Variants in PDE6C observed in about 807,000 individuals in gnomAD.
PDE6C encodes the protein phosphodiesterase 6C, also known as cone cGMP-specific 3',5'-cyclic phosphodiesterase subunit alpha'.
In PDE6C, 75 loss-of-function variants were observed where a neutral mutation model predicts 113.1. The observed-to-expected ratio is 0.66, with a 90% CI of 0.55 to 0.80. The LOEUF (loss-of-function observed/expected upper bound fraction) is 0.80, where lower values mean the gene tolerates loss of function less well. Among genes scored for constraint, PDE6C ranks in the 30% least tolerant of loss-of-function variants. PDE6C has a pLI of 0.00. For synonymous variants in PDE6C, 375 were observed against 363.7 expected (o/e 1.03, Z -0.35); for missense variants, 912 against 1,038.6 (o/e 0.88, Z 1.67).
chr10:93,627,282 A>AAAAAAT (rs2058478454), intron 7 of PDE6C, among the ~76,000 whole-genome samples: 1 of 150,204 alleles, frequency 6.7e-6, no homozygotes. Flanking sequence ...AAAAAAAAAA[A>AAAAAAT]GCTAGATGAT....
At chr10:93,650,675 G>A (rs10882290) in intron 15 of PDE6C, among the ~76,000 whole-genome samples, 70,509 of 152,064 alleles carry the variant, frequency 0.46, 17,315 homozygotes, top group Non-Finnish European at 0.54. Context: ...TTCACATGAT[G>A]GTGTCCTTAT....
intron 7 of PDE6C, among the ~76,000 whole-genome samples, chr10:93,628,140 G>A (rs927603857): frequency 6.6e-6 from 1 of 152,178 alleles, no homozygotes; most frequent in Non-Finnish European, 1.5e-5. Flanking sequence ...TCCCAGCCAG[G>A]AGAGCTGATT....
At position 93,626,625 on chromosome 10, in the gene PDE6C, C is replaced by T. The variant is rs1554889269; in HGVS notation, c.940-15C>T. The T allele has an allele frequency of 7.3e-7, 1 of 1,367,690 alleles. No individual in the cohort carries two copies. The highest frequency in any genetic ancestry group is 2.3e-5 in the East Asian group (1 of 43,660). The allele number at this position is 1,367,690 out of a possible 1,614,324, so 84.7% of individuals were successfully genotyped here. ...GAAATAACATTATTCCCATAATATC[C>T]TCTTTCTTTCTTAGGAAGTCAACTT... On this transcript the variant is annotated splice_polypyrimidine_tract_variant and intron_variant, in intron 5 of 21. Transcript: ENST00000371447.
chr10:93,640,633 C>A, intron 13 of PDE6C, 76 bp downstream of exon 13: 1 of 1,048,632 alleles, frequency 9.5e-7, no homozygotes, highest in Non-Finnish European at 1.5e-6. Context: ...AGGTATGGTC[C>A]ATCATTTTAG....
At chr10:93,655,884 G>A in intron 16 of PDE6C, 24 bp downstream of exon 16, 1 of 1,125,932 alleles carries the variant, frequency 8.9e-7, no homozygotes, top group Non-Finnish European at 1.4e-6. Context: ...TCTGCACAGT[G>A]GAATGCCCTA....
At chr10:93,624,771 G>A (rs1177634613) in intron 4 of PDE6C, among the ~76,000 whole-genome samples, 4 of 152,124 alleles carry the variant, frequency 2.6e-5, no homozygotes, top group African/African-American at 9.7e-5. Flanking sequence ...GTAGGGCAGC[G>A]CTAGTACTGG....
At chr10:93,651,346 G>T (rs189723297) in intron 15 of PDE6C, among the ~76,000 whole-genome samples, 1 of 152,306 alleles carries the variant, frequency 6.6e-6, no homozygotes. Context: ...AAGAAAAGAG[G>T]TTTAATTGAC....
At chr10:93,661,999 T>G (rs2133878933) in intron 18 of PDE6C, 60 bp from the exon 19 acceptor site, 1 of 1,027,076 alleles carries the variant, frequency 9.7e-7, no homozygotes, top group Non-Finnish European at 1.6e-6. Flanking sequence ...CTTGTACTAA[T>G]AAAATGCAAG....
At position 93,662,999 on chromosome 10, in the gene PDE6C, T is replaced by C. The variant is rs778790576; in HGVS notation, c.2368-29T>C. The C allele has an allele frequency of 3.2e-6, 5 of 1,585,748 alleles. No homozygotes were observed. The Admixed American group carries it at 5.0e-5, about 16-fold the overall frequency. ...TCCTGAAAATTAACTGTATGATTTA[T>C]GTAGTTTCTGACCTAAAATTCCTTT... On this transcript the variant is annotated intron_variant, in intron 20 of 21. Coordinates refer to ENST00000371447, the MANE Select transcript of PDE6C (RefSeq NM_006204.4).
At chr10:93,662,789 A>C (rs1344453309) in intron 20 of PDE6C, 146 bp downstream of exon 20, 6 of 672,260 alleles carry the variant, frequency 8.9e-6, no homozygotes, top group African/African-American at 5.4e-5. Flanking sequence ...GTTTTACCCT[A>C]ATCTCATTCA....
intron 15 of PDE6C, among the ~76,000 whole-genome samples, chr10:93,652,018 C>T (rs1462569505): frequency 1.3e-5 from 2 of 151,324 alleles, no homozygotes; most frequent in African/African-American, 2.4e-5. Context: ...TGTGTGTGTG[C>T]ATGTGTGTGT....
In PDE6C at chr10:93,654,987, A is replaced by G. The variant is rs74653076; in HGVS notation, c.1936-773A>G. On this transcript the variant is annotated intron_variant, in intron 15 of 21. Coordinates refer to ENST00000371447, the MANE Select transcript of PDE6C (RefSeq NM_006204.4). ...CACACCCAGCTATTTTTGTATTTCC[A>G]TATTTTTAGTAGAGACAGGAGTCTC... 7.8e-3 allele frequency among the ~76,000 whole-genome samples: 1,178 copies of G among 151,280 alleles called. 8 individuals are homozygous for G. The highest frequency in any genetic ancestry group is 0.022 in the African/African-American group (909 of 41,286).
intron 1 of PDE6C, among the ~76,000 whole-genome samples, chr10:93,617,249 A>G (rs899191458): frequency 6.6e-6 from 1 of 152,132 alleles, no homozygotes. Flanking sequence ...TTCGCTAAGG[A>G]TTTTTTGAGC....
At chr10:93,627,539 G>T (rs1055390187) in intron 7 of PDE6C, among the ~76,000 whole-genome samples, 2 of 152,124 alleles carry the variant, frequency 1.3e-5, no homozygotes, top group Non-Finnish European at 2.9e-5. Flanking sequence ...AAATATGGGG[G>T]ATGGGGTGGG....
chr10:93,635,293 T>G (rs1383660961), intron 9 of PDE6C, among the ~76,000 whole-genome samples: 1 of 152,214 alleles, frequency 6.6e-6, no homozygotes, highest in Non-Finnish European at 1.5e-5. Context: ...CTTCTATTCA[T>G]GGTGCATGGT....
intron 14 of PDE6C, among the ~76,000 whole-genome samples, 192 bp from the exon 15 acceptor site, chr10:93,645,768 G>T (rs1421965675): frequency 1.3e-5 from 2 of 149,636 alleles, no homozygotes; most frequent in Admixed American, 6.7e-5. Context: ...ACAAATTAAG[G>T]TTTTTTTTTT....
At chr10:93,613,347 G>A (rs1206605739) in intron 1 of PDE6C, 142 bp downstream of exon 1, 1 of 1,096,952 alleles carries the variant, frequency 9.1e-7, no homozygotes, top group East Asian at 2.6e-5. Context: ...GATCACCCAG[G>A]CCTAGTGTTG....
rs139449187 is a variant in PDE6C at position 93,634,931 on chromosome 10, G to A, written c.1269+24G>A. On this transcript the variant is annotated intron_variant, in intron 9 of 21. Transcript: ENST00000371447. ...AGGCAAGTGCAATAATAAGATAATG[G>A]AAGTCAATGCAATTCACAAAATAAG... 204 of 1,612,586 alleles carry A rather than the reference G, an allele frequency of 1.3e-4. 1 individual carries two copies. The African/African-American group carries it at 2.6e-3, about 21-fold the overall frequency.
chr10:93,640,776 C>A, intron 13 of PDE6C, 144 bp from the exon 14 acceptor site: 1 of 706,468 alleles, frequency 1.4e-6, no homozygotes, highest in South Asian at 1.6e-5. Context: ...AGTCTTCACC[C>A]ACAGTACTAC....
Sources: allele counts gnomAD v4.1 joint callset (sites outside exome capture counted in the v4.1 genomes callset), GRCh38; gene constraint gnomAD v4.1.1; transcripts MANE v1.5; gene names NCBI Gene and HGNC (gene_info 2026-07-23, HGNC 2026-07-21).